Variants in CRPPA observed in about 807,000 individuals in gnomAD.
CRPPA encodes D-ribitol-5-phosphate cytidylyltransferase.
Under a neutral mutation model 52.0 loss-of-function variants are expected in CRPPA, and 43 were observed. The ratio of observed to expected loss-of-function variants is 0.83; its 90% CI spans 0.65 to 1.07. The LOEUF (loss-of-function observed/expected upper bound fraction) is 1.07, where lower values mean the gene tolerates loss of function less well. Among genes scored for constraint, CRPPA ranks in the 50% least tolerant of loss-of-function variants. CRPPA has a pLI of 0.00. For synonymous variants in CRPPA, 250 were observed against 203.5 expected, an observed-to-expected ratio of 1.23 and a Z score of -1.94; for missense variants, 629 against 551.7, an observed-to-expected ratio of 1.14 and a Z score of -1.40.
At chr7:16,145,251 AGG>A (rs761118091) in intron 9 of CRPPA, among the ~76,000 whole-genome samples, 1 of 152,198 alleles carries the variant, frequency 6.6e-6, no homozygotes, top group Non-Finnish European at 1.5e-5. Flanking sequence ...CCCTAGTAAT[AGG>A]CCTGCCAAAT....
chr7:16,370,484 T>A (rs1375170563), intron 3 of CRPPA, among the ~76,000 whole-genome samples: 1 of 152,060 alleles, frequency 6.6e-6, no homozygotes, highest in Admixed American at 6.5e-5. Context: ...CAGAGTCTGG[T>A]AGCCCCACTG....
At chr7:16,165,878 T>A (rs1781054300) in intron 9 of CRPPA, among the ~76,000 whole-genome samples, 1 of 152,224 alleles carries the variant, frequency 6.6e-6, no homozygotes, top group Non-Finnish European at 1.5e-5. Context: ...ATAACCCTTT[T>A]CAACCTGTAA....
chr7:16,102,983 C>G (rs1325802960), intron 9 of CRPPA, among the ~76,000 whole-genome samples: 1 of 152,150 alleles, frequency 6.6e-6, no homozygotes, highest in Non-Finnish European at 1.5e-5. Flanking sequence ...ATAAATCATT[C>G]TACCATAAAG....
chr7:16,234,662 A>C (rs1338590894), intron 8 of CRPPA, among the ~76,000 whole-genome samples: 1 of 152,084 alleles, frequency 6.6e-6, no homozygotes, highest in Non-Finnish European at 1.5e-5. Context: ...ATCACAAAGC[A>C]CCTCGTTGTA....
At chr7:16,372,108 A>G (rs1786764963) in intron 3 of CRPPA, among the ~76,000 whole-genome samples, 2 of 152,198 alleles carry the variant, frequency 1.3e-5, no homozygotes, top group Admixed American at 1.3e-4. Context: ...GAAGTCTAAG[A>G]GTTTGGAAAA....
chr7:16,161,216 C>T (rs1783297376), intron 9 of CRPPA, among the ~76,000 whole-genome samples: 1 of 152,180 alleles, frequency 6.6e-6, no homozygotes, highest in Non-Finnish European at 1.5e-5. Flanking sequence ...ACTTCCAAAA[C>T]TATGCTGAAT....
At chr7:16,417,113 G>A (rs1788213263) in intron 1 of CRPPA, among the ~76,000 whole-genome samples, 1 of 151,940 alleles carries the variant, frequency 6.6e-6, no homozygotes, top group Non-Finnish European at 1.5e-5. Context: ...CACCAGTCAT[G>A]ATGACTATTA....
rs116804016 is a variant in CRPPA, at chr7:16,376,686, C to T, written c.535-445G>A. Among the ~76,000 whole-genome samples, 456 of 152,294 alleles carry T rather than the reference C, an allele frequency of 3.0e-3. 2 individuals carry two copies. The highest frequency in any genetic ancestry group is 9.9e-3 in the African/African-American group (413 of 41,558). On this transcript the variant is annotated intron_variant, in intron 2 of 9. Coordinates refer to ENST00000407010, the MANE Select transcript of CRPPA (RefSeq NM_001101426.4). ...GTTCTCCAAGATCCCCTAGATGAGA[C>T]TCAATAACCCAAACAATGTGGGTTG...
intron 8 of CRPPA, among the ~76,000 whole-genome samples, chr7:16,222,309 G>T: frequency 8.9e-6 from 1 of 112,468 alleles, no homozygotes; most frequent in Admixed American, 1.1e-4. Context: ...TGGGGGGAGG[G>T]GGGAGGGATA....
chr7:16,286,741 C>T (rs1784459334), intron 5 of CRPPA, among the ~76,000 whole-genome samples: 1 of 152,064 alleles, frequency 6.6e-6, no homozygotes, highest in Non-Finnish European at 1.5e-5. Flanking sequence ...ACAAAAATTC[C>T]TATTTCTAAT....
chr7:16,395,876 G>A (rs1165356109), intron 2 of CRPPA, among the ~76,000 whole-genome samples: 1 of 152,190 alleles, frequency 6.6e-6, no homozygotes, highest in African/African-American at 2.4e-5. Flanking sequence ...AAACATAGAA[G>A]TGGGTAATTT....
At position 16,216,036 on chromosome 7, in the gene CRPPA, A is replaced by G. The variant is rs771167900; in HGVS notation, c.1251+30T>C. 4 of 1,529,948 alleles carry G rather than the reference A, an allele frequency of 2.6e-6. No individual in the cohort carries two copies. In the East Asian group the frequency reaches 9.1e-5, roughly 35 times the overall value. The allele number at this position is 1,529,948 out of a possible 1,614,324, so 94.8% of individuals were successfully genotyped here. On this transcript the variant is annotated intron_variant, in intron 9 of 9. Transcript: ENST00000407010. ...TACCATTAAAACTAGTCTACAGAAC[A>G]TACATTCGGAAGATAAACATTTTAC... is the stretch of plus-strand genomic sequence containing the variant.
chr7:16,298,080 A>T (rs1391594940), intron 5 of CRPPA, among the ~76,000 whole-genome samples: 2 of 152,042 alleles, frequency 1.3e-5, no homozygotes, highest in South Asian at 2.1e-4. Flanking sequence ...TCTCTTTCCT[A>T]TGCCCAGAGA....
intron 9 of CRPPA, among the ~76,000 whole-genome samples, chr7:16,215,526 T>C (rs181064908): frequency 6.6e-6 from 1 of 152,338 alleles, no homozygotes; most frequent in East Asian, 1.9e-4. Flanking sequence ...TTTAGTTAAG[T>C]ACCATGCCCT....
chr7:16,259,997 A>G (rs972217447), intron 6 of CRPPA, among the ~76,000 whole-genome samples: 1 of 152,066 alleles, frequency 6.6e-6, no homozygotes, highest in Non-Finnish European at 1.5e-5. Context: ...TTTAAAATTC[A>G]TATTGAGCAT....
intron 6 of CRPPA, chr7:16,276,972 C>T (rs1253282252): frequency 6.6e-6 from 1 of 152,154 alleles, no homozygotes. Context: ...TCTGTACTAT[C>T]TAATACTGTC....
At chr7:16,342,158 A>T (rs548513647) in intron 3 of CRPPA, among the ~76,000 whole-genome samples, 11 of 152,136 alleles carry the variant, frequency 7.2e-5, no homozygotes, top group Non-Finnish European at 1.5e-4. Flanking sequence ...TTCACAAGTG[A>T]CCCTCTGATT....
intron 8 of CRPPA, among the ~76,000 whole-genome samples, chr7:16,246,382 G>T (rs1783274411): frequency 6.6e-6 from 1 of 152,104 alleles, no homozygotes; most frequent in Non-Finnish European, 1.5e-5. Context: ...TACTTCCCCT[G>T]TTGAAGTCAC....
chr7:16,194,902 G>A (rs995797387), intron 9 of CRPPA, among the ~76,000 whole-genome samples: 6 of 151,588 alleles, frequency 4.0e-5, no homozygotes, highest in Non-Finnish European at 8.8e-5. Flanking sequence ...ATATTGTTGG[G>A]AGGTGGCTTC....
Sources: allele counts gnomAD v4.1 joint callset (sites outside exome capture counted in the v4.1 genomes callset), GRCh38; gene constraint gnomAD v4.1.1; transcripts MANE v1.5; gene names NCBI Gene and HGNC (gene_info 2026-07-23, HGNC 2026-07-21).